Variants in MYNN observed in about 807,000 individuals in gnomAD.
The protein encoded by MYNN is myoneurin.
Under a neutral mutation model 57.2 loss-of-function variants are expected in MYNN, and 22 were observed. That is an observed-to-expected ratio of 0.38 (90% CI 0.27 to 0.55). The LOEUF is 0.55. MYNN is among the 20% of genes least tolerant of loss of function. The pLI is 0.71. For missense variants in MYNN, 566 were observed against 723.1 expected (o/e 0.78, Z 2.49); for synonymous variants, 241 against 257.1 (o/e 0.94, Z 0.60).
Position 169,779,002 on chromosome 3 carries a change from T to C in MYNN, c.501T>C (p.Pro167=). The C allele has an allele frequency of 6.2e-7, 1 of 1,613,816 alleles. No individual in the cohort carries two copies. The highest frequency in any genetic ancestry group is 8.5e-7 in the Non-Finnish European group (1 of 1,180,026). ...CTACAGATTTGATTCAGGCAAATCC[T>C]AAACAAGGCGCGTTAGCGAAAAAGT... ...EVSTDLIQAN[P]KQGALAKKSS... Residue 167 remains proline, a synonymous_variant, in exon 3 of 8, where the codon CCT becomes CCC. Transcript: ENST00000349841.
intron 6 of MYNN, among the ~76,000 whole-genome samples, chr3:169,784,287 G>C (rs1314199197): frequency 1.3e-5 from 2 of 151,946 alleles, no homozygotes; most frequent in Admixed American, 1.3e-4. Flanking sequence ...TCTCCCAGCT[G>C]TATCTCTTAG....
At chr3:169,774,205 C>G in intron 1 of MYNN, 60 bp from the exon 2 acceptor site, 2 of 1,318,542 alleles carry the variant, frequency 1.5e-6, no homozygotes, top group Non-Finnish European at 1.1e-6. Context: ...TGTCCCTTCC[C>G]TCACTGAACG....
chr3:169,778,778 A>G lies in MYNN; in HGVS notation c.277A>G (p.Lys93Glu). Residue 93 changes from lysine to glutamate, a missense_variant, in exon 3 of 8, where the codon AAA becomes GAA. Coordinates refer to ENST00000349841, the MANE Select transcript of MYNN (RefSeq NM_018657.5). Reference sequence around the variant, plus strand: ...CTTGTTTCCTTGCAGTTGGAATGTTAAAGAAATTCATCAGGCTGCTGACTA... The same window carrying G: ...CTTGTTTCCTTGCAGTTGGAATGTTGAAGAAATTCATCAGGCTGCTGACTA... ...GTLNLDSWNV[K>E]EIHQAADYLK... 6.3e-7 allele frequency: 1 copy of G among 1,589,704 alleles called. No homozygotes were observed. Among genetic ancestry groups the G allele is most frequent in the Non-Finnish European group, 8.5e-7 (1 of 1,171,248 alleles).
Position 169,780,708 on chromosome 3 carries a change from C to A in MYNN, c.1179C>A (p.Asn393Lys). 1 of 1,606,152 alleles carries A rather than the reference C, an allele frequency of 6.2e-7. No individual in the cohort carries two copies. Among genetic ancestry groups the A allele is most frequent in the Non-Finnish European group, 8.5e-7 (1 of 1,177,916 alleles). The stretch of plus-strand genomic sequence containing the variant: ...AACCCTATAAATGTGATGTATGCAA[C>A]TTACAGTTTGCAACTTCTAGCAATC... Reference protein sequence around the residue: ...EEKPYKCDVCNLQFATSSNLK... With the variant: ...EEKPYKCDVCKLQFATSSNLK... The change falls in exon 4 of 8, where the codon AAC (asparagine) becomes AAA (lysine). Residue 393 changes from asparagine (N) to lysine (K), a missense_variant. By Grantham distance (94) the Asn-to-Lys change is moderately conservative. Coordinates refer to ENST00000349841, the MANE Select transcript of MYNN (RefSeq NM_018657.5).
At position 169,782,556 on chromosome 3, in the gene MYNN, A is replaced by G; in HGVS notation, c.1312A>G (p.Thr438Ala). Residue 438 changes from threonine to alanine, a missense_variant, in exon 5 of 8, where the codon ACT becomes GCT. This residue lies in a region of MYNN where 123 missense variants were observed against 222.6 expected (regional missense o/e 0.55). Transcript: ENST00000349841. The surrounding 1 kb of genome is among the most constrained non-coding windows in gnomAD (Gnocchi z 4.8). ...ACTGACCTATCATGTCCGTAGGCATACTGGAGAAAAGCCTTATGTATGTGA... is the reference window on the plus strand; with the variant it reads ...ACTGACCTATCATGTCCGTAGGCATGCTGGAGAAAAGCCTTATGTATGTGA... The part of the protein sequence containing the change: ...STLTYHVRRH[T>A]GEKPYVCDTC... 6.2e-7 allele frequency: 1 copy of G among 1,614,046 alleles called. No individual in the cohort carries two copies. The highest frequency in any genetic ancestry group is 8.5e-7 in the Non-Finnish European group (1 of 1,179,902).
chr3:169,786,297 C>T, intron 7 of MYNN, 119 bp from the exon 8 acceptor site: 1 of 964,250 alleles, frequency 1.0e-6, no homozygotes, highest in South Asian at 1.7e-5. Flanking sequence ...AGAGAAACCG[C>T]TTGAGTAAAG....
chr3:169,786,429 T>C lies in MYNN; in HGVS notation c.1584T>C (p.Thr528=). Residue 528 remains threonine, a synonymous_variant, in exon 8 of 8, where the codon ACT becomes ACC. Coordinates refer to ENST00000349841, the MANE Select transcript of MYNN (RefSeq NM_018657.5). ...KTKVHSGADK[T]LDSSAEDHTL... ...CTTCCATTCTAGGTGCAGATAAAAC[T>C]CTAGACTCCAGTGCAGAGGATCATA... 1.2e-6 allele frequency: 2 copies of C among 1,612,066 alleles called. No homozygotes were observed. Among genetic ancestry groups the C allele is most frequent in the African/African-American group, 2.7e-5 (2 of 74,916 alleles).
rs144286621 is a variant in MYNN, at chr3:169,787,060, G to A, written c.*382G>A. ...AAATTTTCCTGCCCTCATAATTTAA[G>A]CAAAATCCACGATAGTATCAGCCCA... On this transcript the variant is annotated 3_prime_UTR_variant, in exon 8 of 8. Transcript: ENST00000349841. 1.6e-5 allele frequency: 3 copies of A among 192,964 alleles called. No individual in the cohort carries two copies. In the Admixed American group the frequency reaches 1.6e-4, roughly 10 times the overall value. 12.0% of individuals were successfully genotyped at this position (192,964 alleles called of 1,614,324 possible). A position where few individuals can be genotyped will look rare whatever the true frequency, so the allele number is the denominator to read the frequency against.
rs1778740674 is a variant in MYNN at position 169,788,664 on chromosome 3, A to G, written c.*1986A>G. 1 of 152,144 alleles carries G rather than the reference A, an allele frequency of 6.6e-6. No individual in the cohort carries two copies. The highest frequency in any genetic ancestry group is 2.1e-4 in the South Asian group (1 of 4,832). 9.4% of individuals were successfully genotyped at this position (152,144 alleles called of 1,614,324 possible). A position where few individuals can be genotyped will look rare whatever the true frequency, so the allele number is the denominator to read the frequency against. On this transcript the variant is annotated 3_prime_UTR_variant, in exon 8 of 8. Transcript: ENST00000349841. ...GCATAGATTAGCCTTCAAATTTATT[A>G]TTTTTAGTATTATTTGATACGATTG...
intron 2 of MYNN, among the ~76,000 whole-genome samples, chr3:169,774,867 G>T (rs1778283922): frequency 6.6e-6 from 1 of 151,926 alleles, no homozygotes; most frequent in Non-Finnish European, 1.5e-5. Context: ...TTTTGAGACG[G>T]GCTCACCGTC....
At chr3:169,780,835 A>C (rs908752403) in intron 4 of MYNN, 86 bp downstream of exon 4, 18 of 1,113,840 alleles carry the variant, frequency 1.6e-5, no homozygotes, top group Non-Finnish European at 2.2e-5. Flanking sequence ...AATTCAGGAC[A>C]GTAGAATTGT....
Position 169,787,511 on chromosome 3 carries a change from C to T in MYNN, c.*833C>T, listed in dbSNP as rs1040390941. ...ATATTTTGGTAAGCCTCTCTTACTC[C>T]TGTTATGCACTTTTTAAAATAAATA... On this transcript the variant is annotated 3_prime_UTR_variant, in exon 8 of 8. Coordinates refer to ENST00000349841, the MANE Select transcript of MYNN (RefSeq NM_018657.5). The T allele has an allele frequency of 2.0e-5, 3 of 152,042 alleles. No individual in the cohort carries two copies. Among genetic ancestry groups the T allele is most frequent in the Non-Finnish European group, 4.4e-5 (3 of 67,954 alleles). 9.4% of individuals were successfully genotyped at this position (152,042 alleles called of 1,614,324 possible).
chr3:169,780,266 G>C, intron 3 of MYNN: 1 of 168,972 alleles, frequency 5.9e-6, no homozygotes, highest in South Asian at 1.7e-4. Flanking sequence ...CACCATGTTA[G>C]CCAGGATGGT....
rs946337905 is a variant in MYNN at position 169,786,934 on chromosome 3, T to C, written c.*256T>C. On this transcript the variant is annotated 3_prime_UTR_variant, in exon 8 of 8. Coordinates refer to ENST00000349841, the MANE Select transcript of MYNN (RefSeq NM_018657.5). ...TGGGTGGATGAGTTTTATTTTCTTT[T>C]AAAGCTGCCTTAATTCCATTTTTAT... The C allele has an allele frequency of 2.9e-5, 10 of 350,862 alleles. No individual in the cohort carries two copies. The highest frequency in any genetic ancestry group is 2.1e-4 in the African/African-American group (10 of 48,442). 21.7% of individuals were successfully genotyped at this position (350,862 alleles called of 1,614,324 possible).
Position 169,782,508 on chromosome 3 carries a change from C to G in MYNN, c.1264C>G (p.Gln422Glu). 3 of 1,613,750 alleles carry G rather than the reference C, an allele frequency of 1.9e-6. No homozygotes were observed. In the South Asian group the frequency reaches 3.3e-5, roughly 18 times the overall value. The change falls in exon 5 of 8, where the codon CAG becomes GAG. Residue 422 changes from glutamine to glutamate, a missense_variant. Physicochemically the swap from Gln to Glu is conservative, Grantham distance 29 (BLOSUM62 2). This residue lies in a region of MYNN where 123 missense variants were observed against 222.6 expected (regional missense o/e 0.55). Coordinates refer to ENST00000349841, the MANE Select transcript of MYNN (RefSeq NM_018657.5). The surrounding 1 kb of genome is among the most constrained non-coding windows in gnomAD (Gnocchi z 4.8). ...GCCATATGTCTGTGATAGGTGTGGA[C>G]AGAGATTTGCTCAAGCCAGCACACT... ...EKPYVCDRCG[Q>E]RFAQASTLTY...
chr3:169,784,785 G>A, intron 7 of MYNN, 77 bp downstream of exon 7: 1 of 910,038 alleles, frequency 1.1e-6, no homozygotes, highest in Admixed American at 2.9e-5. Context: ...TTAAAATGCT[G>A]AGATGAGATT....
chr3:169,784,676 A>C lies in MYNN; in HGVS notation c.1538A>C (p.Asn513Thr). The C allele has an allele frequency of 6.3e-7, 1 of 1,582,668 alleles. No homozygotes were observed. The highest frequency in any genetic ancestry group is 8.6e-7 in the Non-Finnish European group (1 of 1,165,648). Residue 513 changes from asparagine (N) to threonine (T), a missense_variant, in exon 7 of 8, where the codon AAT becomes ACT. This residue lies in a region of MYNN where 156 missense variants were observed against 163.9 expected (regional missense o/e 0.95). Transcript: ENST00000349841. ...GGAAATTCTTACACAGATATTAAAA[A>C]TTTAAAGAAGCACAAAACAAAAGTC... Reference protein sequence around the residue: ...LCGNSYTDIKNLKKHKTKVHS... With the variant: ...LCGNSYTDIKTLKKHKTKVHS...
chr3:169,780,540 G>T (rs776532751), intron 3 of MYNN, 50 bp from the exon 4 acceptor site: 2 of 1,377,216 alleles, frequency 1.5e-6, no homozygotes, highest in East Asian at 4.8e-5. Context: ...TATGACTTAT[G>T]CAACCAAAAC....
intron 4 of MYNN, 88 bp downstream of exon 4, chr3:169,780,837 T>G: frequency 9.1e-7 from 1 of 1,104,288 alleles, no homozygotes; most frequent in Non-Finnish European, 1.2e-6. Flanking sequence ...TTCAGGACAG[T>G]AGAATTGTAA....
Sources: gnomAD v4.1 joint callset for allele counts (sites outside exome capture counted in the v4.1 genomes callset) on GRCh38, gnomAD v4.1.1 for gene constraint, gnomAD v4.1.1 regional missense constraint, Gnocchi (gnomAD v3.1) non-coding constraint, MANE v1.5 for transcripts, NCBI Gene and HGNC (gene_info 2026-07-23, HGNC 2026-07-21) for gene names.